Variants in PAIP1 observed in about 807,000 individuals in gnomAD.
The protein encoded by PAIP1 is polyadenylate-binding protein-interacting protein 1.
A neutral mutation model predicts 61.3 loss-of-function variants in PAIP1; 16 were observed. The ratio of observed to expected loss-of-function variants is 0.26; its 90% CI spans 0.18 to 0.40. The LOEUF (loss-of-function observed/expected upper bound fraction) is 0.40, where lower values mean the gene tolerates loss of function less well. PAIP1 is among the 10% of genes least tolerant of loss of function. The pLI, the probability that PAIP1 is intolerant of heterozygous loss-of-function variation, is 1.00. For synonymous variants in PAIP1, 187 were observed against 226.2 expected (o/e 0.83, Z 1.56); for missense variants, 416 against 600.9 (o/e 0.69, Z 3.22).
intron 3 of PAIP1, among the ~76,000 whole-genome samples, chr5:43,544,570 T>A (rs1398724596): frequency 6.6e-6 from 1 of 152,200 alleles, no homozygotes; most frequent in Non-Finnish European, 1.5e-5. Flanking sequence ...TTAATCCCCA[T>A]ATCTCCGCAC....
chr5:43,534,180 G>C (rs1346620932), intron 8 of PAIP1, among the ~76,000 whole-genome samples: 2 of 151,870 alleles, frequency 1.3e-5, no homozygotes, highest in African/African-American at 4.8e-5. Context: ...GAGCTTCAGG[G>C]CATCACTGGC....
chr5:43,531,467 G>C (rs986961317), intron 9 of PAIP1, among the ~76,000 whole-genome samples: 14 of 137,404 alleles, frequency 1.0e-4, no homozygotes, highest in African/African-American at 3.8e-4. Flanking sequence ...GACCAACATG[G>C]TGAAACCCTG....
intron 3 of PAIP1, among the ~76,000 whole-genome samples, chr5:43,544,599 AG>A (rs1169701998): frequency 6.6e-6 from 1 of 152,178 alleles, no homozygotes; most frequent in Non-Finnish European, 1.5e-5. Flanking sequence ...TTTTCAGTTT[AG>A]ATGTTATTTC....
intron 4 of PAIP1, among the ~76,000 whole-genome samples, chr5:43,540,950 A>G (rs1262329213): frequency 6.6e-6 from 1 of 152,062 alleles, no homozygotes; most frequent in Non-Finnish European, 1.5e-5. Context: ...GCACTGAAAA[A>G]TATGAGTGAG....
chr5:43,527,804 CAACA>C (rs897738427), intron 10 of PAIP1, among the ~76,000 whole-genome samples: 1 of 152,038 alleles, frequency 6.6e-6, no homozygotes, highest in Non-Finnish European at 1.5e-5. Context: ...TTTACCTTAC[CAACA>C]AACAATTAGA....
At chr5:43,552,537 A>G (rs903713572) in intron 2 of PAIP1, among the ~76,000 whole-genome samples, 2 of 152,192 alleles carry the variant, frequency 1.3e-5, no homozygotes, top group African/African-American at 2.4e-5. Flanking sequence ...CTGAGGGGAA[A>G]AGGAATGATC....
At chr5:43,556,107 A>G (rs775106730) in intron 1 of PAIP1, 108 bp from the exon 2 acceptor site, 36 of 1,457,952 alleles carry the variant, frequency 2.5e-5, no homozygotes, top group Non-Finnish European at 3.2e-5. Context: ...AGAGTTAAAC[A>G]GGAACCATCA....
chr5:43,555,123 G>A (rs946722862), intron 2 of PAIP1, among the ~76,000 whole-genome samples: 7 of 152,188 alleles, frequency 4.6e-5, no homozygotes, highest in Non-Finnish European at 1.0e-4. Flanking sequence ...AGAACAACTG[G>A]AAGGAGACAG....
chr5:43,533,723 T>G lies in PAIP1; in HGVS notation c.1252+15A>C, dbSNP rs79181812. The G allele has an allele frequency of 6.5e-7, 1 of 1,541,052 alleles. No homozygotes were observed. Among genetic ancestry groups the G allele is most frequent in the Non-Finnish European group, 9.0e-7 (1 of 1,113,450 alleles). ...CAAACAACTGGGAGGAGGGAATGAC[T>G]GTGAGACAACATACCTGGATCAGCT... On this transcript the variant is annotated intron_variant, in intron 9 of 10. Transcript: ENST00000306846.
rs1460624136 is a variant in PAIP1, at chr5:43,555,877, C to T, written c.388G>A (p.Val130Met). The change falls in exon 2 of 11, where the codon GTG becomes ATG. Residue 130 changes from valine (V) to methionine (M), a missense_variant. Around this residue, in one of 4 missense-constraint regions of PAIP1, gnomAD observed 180 missense variants for 211.2 expected, o/e 0.85. Transcript: ENST00000306846. ...VAPVLMSKLS[V>M]NAPEFYPSGY... ...GAAGGGTAAAATTCAGGGGCATTCA[C>T]AGACAGCTTAGACATTAATACAGGA... The T allele has an allele frequency of 1.2e-6, 2 of 1,613,618 alleles. No individual in the cohort carries two copies. The highest frequency in any genetic ancestry group is 1.7e-6 in the Non-Finnish European group (2 of 1,179,912).
chr5:43,556,219 T>C (rs1748062722), intron 1 of PAIP1: 15 of 1,301,278 alleles, frequency 1.2e-5, no homozygotes, highest in Non-Finnish European at 1.3e-5. Context: ...CTCAAATGAG[T>C]GCTTGCGAGC....
rs542075013 is a variant in PAIP1, at chr5:43,545,401, C to T, written c.622-2285G>A. Among the ~76,000 whole-genome samples, 152 of 152,332 alleles carry T rather than the reference C, an allele frequency of 1.0e-3. 1 individual carries two copies. The South Asian group carries it at 0.031, about 31-fold the overall frequency. ...CATAACTCCTCTTTTTGACAGAGTA[C>T]GTCCTTTGTTAATTTCATAAGAAGG... On this transcript the variant is annotated intron_variant, in intron 3 of 10. Coordinates refer to ENST00000306846, the MANE Select transcript of PAIP1 (RefSeq NM_006451.5).
chr5:43,536,273 T>C (rs1747152026), intron 6 of PAIP1, among the ~76,000 whole-genome samples: 1 of 152,208 alleles, frequency 6.6e-6, no homozygotes, highest in Non-Finnish European at 1.5e-5. Context: ...AATCCGTGTT[T>C]AAGAATTTAA....
intron 3 of PAIP1, among the ~76,000 whole-genome samples, 195 bp from the exon 4 acceptor site, chr5:43,543,311 A>C (rs1747489802): frequency 2.0e-5 from 1 of 49,534 alleles, no homozygotes. Flanking sequence ...CAATAAGTAC[A>C]AAAAAAAAAA....
chr5:43,555,808 G>T (rs1748035142), intron 2 of PAIP1, 22 bp downstream of exon 2: 4 of 1,573,764 alleles, frequency 2.5e-6, no homozygotes, highest in Non-Finnish European at 3.5e-6. Flanking sequence ...ACCCAGAGTT[G>T]TAGGAAAAAG....
rs145358328 is a variant in PAIP1, at chr5:43,552,452, T to C, written c.435+3378A>G. Among the ~76,000 whole-genome samples the C allele has an allele frequency of 6.8e-3, 1,031 of 152,164 alleles. 43 individuals carry two copies. The highest frequency in any genetic ancestry group is 0.062 in the Admixed American group (954 of 15,264). Reference sequence around the variant, plus strand: ...TCAGGGTTATTAGCACATAAATAAGTGATAGATTCTATGGAATAGGCGGGA... The same window carrying C: ...TCAGGGTTATTAGCACATAAATAAGCGATAGATTCTATGGAATAGGCGGGA... On this transcript the variant is annotated intron_variant, in intron 2 of 10. Transcript: ENST00000306846.
chr5:43,556,076 T>A lies in PAIP1; in HGVS notation c.266-77A>T, dbSNP rs146615230. 5.4e-3 allele frequency: 8,104 copies of A among 1,509,096 alleles called. 27 individuals are homozygous for A. Among genetic ancestry groups the A allele is most frequent in the Middle Eastern group, 0.013 (65 of 4,948 alleles). 93.5% of individuals were successfully genotyped at this position (1,509,096 alleles called of 1,614,324 possible). On this transcript the variant is annotated intron_variant, in intron 1 of 10. Coordinates refer to ENST00000306846, the MANE Select transcript of PAIP1 (RefSeq NM_006451.5). Reference sequence around the variant, plus strand: ...CAACTTGCTATATACTGAAAAACCATCTGAAAAGCGTCTGTTTTTAAGAGT... The same window carrying A: ...CAACTTGCTATATACTGAAAAACCAACTGAAAAGCGTCTGTTTTTAAGAGT...
chr5:43,553,307 G>C (rs1439532829), intron 2 of PAIP1, among the ~76,000 whole-genome samples: 1 of 152,208 alleles, frequency 6.6e-6, no homozygotes, highest in Non-Finnish European at 1.5e-5. Context: ...TTGGTGCCTT[G>C]AAAGAGTTAA....
intron 10 of PAIP1, among the ~76,000 whole-genome samples, chr5:43,528,253 G>C (rs1746784156): frequency 6.6e-6 from 1 of 152,092 alleles, no homozygotes; most frequent in Admixed American, 6.5e-5. Context: ...GTGTGTGGCG[G>C]GGCCAGAATT....
Sources: gnomAD v4.1 joint callset for allele counts (sites outside exome capture counted in the v4.1 genomes callset) on GRCh38, gnomAD v4.1.1 for gene constraint, gnomAD v4.1.1 regional missense constraint, MANE v1.5 for transcripts, NCBI Gene and HGNC (gene_info 2026-07-23, HGNC 2026-07-21) for gene names.